The following LARP1B variants were observed in gnomAD, a reference collection of about 807,000 sequenced individuals.
The protein encoded by LARP1B is La ribonucleoprotein 1B, also known as la-related protein 1B.
Under a neutral mutation model 114.2 loss-of-function variants are expected in LARP1B, and 76 were observed. The observed-to-expected ratio is 0.67, with a 90% CI of 0.55 to 0.81. The LOEUF (loss-of-function observed/expected upper bound fraction) is 0.81, where lower values mean the gene tolerates loss of function less well. Ranked by LOEUF, LARP1B falls within the 30% of genes least tolerant of loss-of-function variation. The probability of loss-of-function intolerance (pLI) is 0.00; values close to 1 mark genes in which losing one functional copy is unlikely to be tolerated. For synonymous variants in LARP1B, 345 were observed against 348.0 expected (o/e 0.99, Z 0.10); for missense variants, 1,014 against 1,075.8 (o/e 0.94, Z 0.80).
intron 17 of LARP1B, among the ~76,000 whole-genome samples, chr4:128,204,138 A>G (rs1158721181): frequency 2.6e-5 from 4 of 152,130 alleles, no homozygotes; most frequent in Non-Finnish European, 5.9e-5. Context: ...GTCATCCTTT[A>G]TCAATAATCT....
At chr4:128,062,462 C>T (rs181454249) in intron 1 of LARP1B, among the ~76,000 whole-genome samples, 4 of 152,188 alleles carry the variant, frequency 2.6e-5, no homozygotes, top group African/African-American at 9.6e-5. Flanking sequence ...GATGGGGGCA[C>T]GGAGGTGGTA....
chr4:128,216,910 AG>A (rs1374146571), downstream of LARP1B, among the ~76,000 whole-genome samples: 1 of 152,222 alleles, frequency 6.6e-6, no homozygotes, highest in African/African-American at 2.4e-5. Context: ...AGACTAATAA[AG>A]AAAAAAAGAG....
intron 7 of LARP1B, among the ~76,000 whole-genome samples, chr4:128,095,084 A>G (rs116434674): frequency 2.6e-5 from 4 of 152,170 alleles, no homozygotes; most frequent in Non-Finnish European, 5.9e-5. Context: ...TGTATTATGT[A>G]TCTGCCACAT....
chr4:128,202,798 G>C (rs534998726), intron 17 of LARP1B, among the ~76,000 whole-genome samples: 1 of 152,148 alleles, frequency 6.6e-6, no homozygotes, highest in Non-Finnish European at 1.5e-5. Context: ...AGGAAGTAGT[G>C]GTTAAGCACC....
downstream of LARP1B, among the ~76,000 whole-genome samples, chr4:128,213,700 A>G (rs1288171478): frequency 2.0e-5 from 3 of 152,198 alleles, no homozygotes; most frequent in African/African-American, 4.8e-5. Flanking sequence ...AAAAAAGGCA[A>G]TGCTAAAAAT....
At chr4:128,107,687 C>T (rs1260722020) in intron 9 of LARP1B, 1 of 1,434,678 alleles carries the variant, frequency 7.0e-7, no homozygotes, top group Non-Finnish European at 9.1e-7. Context: ...GGGTAGTCTT[C>T]CTTTAATTTT....
At chr4:128,208,060 G>T (rs922325710) in intron 19 of LARP1B, among the ~76,000 whole-genome samples, 5 of 152,216 alleles carry the variant, frequency 3.3e-5, no homozygotes, top group Non-Finnish European at 5.9e-5. Context: ...GGGTGTGGTG[G>T]CTCACACCTG....
chr4:128,126,059 C>T (rs1428489030), intron 11 of LARP1B, among the ~76,000 whole-genome samples: 3 of 151,274 alleles, frequency 2.0e-5, no homozygotes, highest in South Asian at 2.1e-4. Context: ...AGTGAGATCT[C>T]GCATGTGAGA....
rs1276270299 is a variant in LARP1B, at chr4:128,200,605, A to G, written c.2249A>G (p.Asn750Ser). Reference protein sequence around the residue: ...FWSFFLRDHFNKKMYEEFRQL... With the variant: ...FWSFFLRDHFSKKMYEEFRQL... ...TCCTTTTTCCTCAGAGATCACTTCA[A>G]TAAAAAAATGTATGAGGAATTTAGA... Residue 750 changes from asparagine (N) to serine (S), a missense_variant, in exon 17 of 20, where the codon AAT (asparagine) becomes AGT (serine). Coordinates refer to ENST00000326639, the MANE Select transcript of LARP1B (RefSeq NM_018078.4). 2 of 1,596,536 alleles carry G rather than the reference A, an allele frequency of 1.3e-6. No homozygotes were observed. The highest frequency in any genetic ancestry group is 1.7e-6 in the Non-Finnish European group (2 of 1,171,466).
chr4:128,214,074 C>T (rs527412408), downstream of LARP1B, among the ~76,000 whole-genome samples: 1,597 of 146,840 alleles, frequency 0.011, 26 homozygotes, highest in African/African-American at 0.036. Context: ...CACTCCCACC[C>T]GAATATTGCG....
chr4:128,072,249 C>T (rs933574539), intron 1 of LARP1B, among the ~76,000 whole-genome samples: 8 of 152,130 alleles, frequency 5.3e-5, no homozygotes, highest in Non-Finnish European at 1.2e-4. Flanking sequence ...AATCTGCCTG[C>T]GTTGGCCTCC....
chr4:128,222,758 C>A (rs1179698398), downstream of LARP1B: 1 of 161,208 alleles, frequency 6.2e-6, no homozygotes, highest in African/African-American at 2.4e-5. Context: ...GTGGAAATAG[C>A]AAATTACATT....
chr4:128,085,154 C>T (rs901736773), intron 5 of LARP1B, among the ~76,000 whole-genome samples: 4 of 152,094 alleles, frequency 2.6e-5, no homozygotes, highest in South Asian at 2.1e-4. Context: ...TGAGCCACTG[C>T]GACTGGCCAC....
chr4:128,071,414 T>C (rs1350195399), intron 1 of LARP1B, among the ~76,000 whole-genome samples: 1 of 148,634 alleles, frequency 6.7e-6, no homozygotes, highest in East Asian at 2.0e-4. Flanking sequence ...AATTGTCTTC[T>C]TTCACAATTT....
chr4:128,201,740 T>C (rs1173420424), intron 17 of LARP1B, among the ~76,000 whole-genome samples: 2 of 152,066 alleles, frequency 1.3e-5, no homozygotes, highest in African/African-American at 4.8e-5. Flanking sequence ...TAGGGCTGAG[T>C]GAGGGCAGAC....
At chr4:128,148,199 G>A (rs911486185) in intron 11 of LARP1B, among the ~76,000 whole-genome samples, 5 of 152,184 alleles carry the variant, frequency 3.3e-5, no homozygotes, top group African/African-American at 4.8e-5. Context: ...GGGAGGCTGA[G>A]GCAGGTAGAT....
intron 1 of LARP1B, among the ~76,000 whole-genome samples, chr4:128,073,501 G>A (rs1441495701): frequency 3.2e-5 from 2 of 63,236 alleles, no homozygotes; most frequent in East Asian, 8.6e-4. Context: ...AACAGCATGA[G>A]AGAAATAAAG....
intron 11 of LARP1B, among the ~76,000 whole-genome samples, chr4:128,141,534 CTCA>C (rs1728088657): frequency 6.6e-6 from 1 of 152,200 alleles, no homozygotes. Flanking sequence ...GTCACTTAAT[CTCA>C]TCGTTAGGCT....
intron 17 of LARP1B, among the ~76,000 whole-genome samples, chr4:128,204,423 G>A (rs1031517601): frequency 2.0e-5 from 3 of 152,126 alleles, no homozygotes; most frequent in African/African-American, 7.2e-5. Flanking sequence ...GGGAGACCGA[G>A]GTAGGTGGAT....
Sources: allele counts gnomAD v4.1 joint callset (sites outside exome capture counted in the v4.1 genomes callset), GRCh38; gene constraint gnomAD v4.1.1; transcripts MANE v1.5; gene names NCBI Gene and HGNC (gene_info 2026-07-23, HGNC 2026-07-21).